GATAD2B: variants seen among roughly 807,000 people sequenced by gnomAD.
GATAD2B encodes GATA zinc finger domain containing 2B.
Under a neutral mutation model 64.3 loss-of-function variants are expected in GATAD2B, and 8 were observed. The observed-to-expected ratio is 0.12, with a 90% CI of 0.07 to 0.22. The LOEUF is 0.22. Among genes scored for constraint, GATAD2B ranks in the 10% least tolerant of loss-of-function variants. The pLI, the probability that GATAD2B is intolerant of heterozygous loss-of-function variation, is 1.00. For synonymous variants in GATAD2B, 281 were observed against 271.3 expected, an observed-to-expected ratio of 1.04 and a Z score of -0.35; for missense variants, 453 against 752.0, an observed-to-expected ratio of 0.60 and a Z score of 4.65.
intron 1 of GATAD2B, among the ~76,000 whole-genome samples, chr1:153,859,902 CTTTTCTTTTTTT>C (rs1676218640): frequency 1.3e-5 from 1 of 78,754 alleles, no homozygotes; most frequent in South Asian, 4.3e-4. Context: ...ATTTTCTTTT[CTTTTCTTTTTTT>C]TTTTTTTTTT....
At chr1:153,882,235 T>C (rs1470557414) in intron 1 of GATAD2B, among the ~76,000 whole-genome samples, 2 of 152,076 alleles carry the variant, frequency 1.3e-5, no homozygotes, top group Non-Finnish European at 2.9e-5. Flanking sequence ...CAAATCATGA[T>C]GCTTTAACTG....
At chr1:153,866,379 C>CT (rs1174567467) in intron 1 of GATAD2B, among the ~76,000 whole-genome samples, 1 of 152,058 alleles carries the variant, frequency 6.6e-6, no homozygotes, top group Non-Finnish European at 1.5e-5. Flanking sequence ...CTCAACCAAG[C>CT]TTCTGAGATT....
At chr1:153,880,672 A>C (rs540295561) in intron 1 of GATAD2B, among the ~76,000 whole-genome samples, 4 of 151,542 alleles carry the variant, frequency 2.6e-5, no homozygotes, top group African/African-American at 9.7e-5. Context: ...AGGAAGACCA[A>C]ATTTCAATAA....
At position 153,918,065 on chromosome 1, in the gene GATAD2B, T is replaced by C. The variant is rs181151216; in HGVS notation, c.-2+4668A>G. Among the ~76,000 whole-genome samples, 8 of 152,230 alleles carry C rather than the reference T, an allele frequency of 5.3e-5. No homozygotes were observed. In the East Asian group the frequency reaches 9.6e-4, roughly 18 times the overall value. ...TTAGGAACCTGCCAAGGTTCTAAGA[T>C]AGAGTGTGACTGATCAGCATTCAAG... On this transcript the variant is annotated intron_variant, in intron 1 of 10. Transcript: ENST00000368655.
Position 153,805,596 on chromosome 1 carries a change from A to C in GATAD2B, c.*4581T>G, listed in dbSNP as rs1674087229. 6.6e-6 allele frequency: 1 copy of C among 152,200 alleles called. No homozygotes were observed. The highest frequency in any genetic ancestry group is 1.5e-5 in the Non-Finnish European group (1 of 68,032). The allele number at this position is 152,200 out of a possible 1,614,324, so 9.4% of individuals were successfully genotyped here. A position where few individuals can be genotyped will look rare whatever the true frequency, so the allele number is the denominator to read the frequency against. Reference sequence around the variant, plus strand: ...GCATTGTCATACACATAACCACTTCAACGCGAGTCACTTTCAGTTCCTCCC... The same window carrying C: ...GCATTGTCATACACATAACCACTTCCACGCGAGTCACTTTCAGTTCCTCCC... On this transcript the variant is annotated 3_prime_UTR_variant, in exon 11 of 11. Transcript: ENST00000368655.
intron 1 of GATAD2B, among the ~76,000 whole-genome samples, chr1:153,883,947 C>A (rs1677084219): frequency 6.6e-6 from 1 of 152,052 alleles, no homozygotes; most frequent in Non-Finnish European, 1.5e-5. Flanking sequence ...TCAGCTAAAT[C>A]ATACTCACCC....
At chr1:153,822,280 T>C (rs1674708999) in intron 2 of GATAD2B, among the ~76,000 whole-genome samples, 1 of 152,214 alleles carries the variant, frequency 6.6e-6, no homozygotes, top group African/African-American at 2.4e-5. Context: ...TGGCTGGATA[T>C]ATACATTACA....
intron 3 of GATAD2B, 87 bp downstream of exon 3, chr1:153,819,519 A>G (rs995771833): frequency 2.1e-6 from 2 of 962,076 alleles, no homozygotes; most frequent in Non-Finnish European, 3.1e-6. Flanking sequence ...AAGAGTAAAT[A>G]GTCAAAAAAC....
intron 10 of GATAD2B, 160 bp downstream of exon 10, chr1:153,811,571 G>A: frequency 1.4e-6 from 1 of 701,120 alleles, no homozygotes; most frequent in South Asian, 1.6e-5. Flanking sequence ...CACTTAATAT[G>A]AATTTAGCAA....
At chr1:153,903,667 T>C (rs373302787) in intron 1 of GATAD2B, among the ~76,000 whole-genome samples, 7 of 152,178 alleles carry the variant, frequency 4.6e-5, no homozygotes, top group Admixed American at 2.0e-4. Flanking sequence ...CTTTACCATA[T>C]GCCTAAATAT....
rs1015336058 is a variant in GATAD2B, at chr1:153,922,771, T to G, written c.-40A>C. ...TGTAACTCCCGGCTAGCTCGCCTCC[T>G]CAGGCGGCGGCGGAGGCGTCGAAAA... On this transcript the variant is annotated 5_prime_UTR_variant, in exon 1 of 11. Transcript: ENST00000368655. The G allele has an allele frequency of 6.7e-6, 1 of 149,152 alleles. No individual in the cohort carries two copies. The highest frequency in any genetic ancestry group is 1.5e-5 in the Non-Finnish European group (1 of 68,108). 9.2% of individuals were successfully genotyped at this position (149,152 alleles called of 1,614,324 possible).
intron 1 of GATAD2B, among the ~76,000 whole-genome samples, chr1:153,857,777 T>G (rs1447000369): frequency 1.3e-5 from 2 of 152,286 alleles, no homozygotes; most frequent in Admixed American, 1.3e-4. Flanking sequence ...GAGACATCAA[T>G]CAGCCAGAGG....
intron 7 of GATAD2B, among the ~76,000 whole-genome samples, chr1:153,814,338 G>GT (rs1358894375): frequency 4.6e-5 from 7 of 152,288 alleles, no homozygotes; most frequent in African/African-American, 1.7e-4. Context: ...ATACTCTATA[G>GT]TATGGTTTAG....
rs532232221 is a variant in GATAD2B at position 153,916,452 on chromosome 1, A to T, written c.-2+6281T>A. Among the ~76,000 whole-genome samples, 300 of 152,314 alleles carry T rather than the reference A, an allele frequency of 2.0e-3. 1 individual carries two copies. Among genetic ancestry groups the T allele is most frequent in the Non-Finnish European group, 3.6e-3 (245 of 68,028 alleles). ...AGACAGAAGTGACAATGATGCTCAC[A>T]TTTCTGGTTTAGATGACTCAATGAA... On this transcript the variant is annotated intron_variant, in intron 1 of 10. Coordinates refer to ENST00000368655, the MANE Select transcript of GATAD2B (RefSeq NM_020699.4).
At chr1:153,830,630 T>C (rs1170668953) in intron 1 of GATAD2B, among the ~76,000 whole-genome samples, 111 of 149,496 alleles carry the variant, frequency 7.4e-4, no homozygotes, top group African/African-American at 2.4e-3. Flanking sequence ...CGCCCGCCAC[T>C]ACGCCCGGCT....
intron 10 of GATAD2B, among the ~76,000 whole-genome samples, chr1:153,810,794 C>T (rs1674267185): frequency 6.6e-6 from 1 of 150,626 alleles, no homozygotes; most frequent in African/African-American, 2.4e-5. Flanking sequence ...GACAGAATTT[C>T]GCTCGTTGCC....
At chr1:153,819,065 G>A (rs1391044297) in intron 3 of GATAD2B, 143 bp from the exon 4 acceptor site, 2 of 798,428 alleles carry the variant, frequency 2.5e-6, no homozygotes, top group Admixed American at 5.5e-5. Flanking sequence ...TTGTATCACT[G>A]GAGTCTGGCA....
rs777622880 is a variant in GATAD2B, at chr1:153,817,468, T to C, written c.804A>G (p.Pro268=). Residue 268 remains proline (P), a synonymous_variant, in exon 6 of 11, where the codon CCA becomes CCG. Transcript: ENST00000368655. ...HMLMSQRVIA[P]NPAQLQGQRG... The stretch of plus-strand genomic sequence containing the variant: ...GCTGACCCTGTAGCTGGGCTGGGTT[T>C]GGTGCAATAACACGTTGAGACATCA... 6.2e-7 allele frequency: 1 copy of C among 1,613,662 alleles called. No homozygotes were observed. The highest frequency in any genetic ancestry group is 8.5e-7 in the Non-Finnish European group (1 of 1,179,852).
At chr1:153,892,163 C>CAAAAAAAAA (rs900308080) in intron 1 of GATAD2B, among the ~76,000 whole-genome samples, 5 of 50,306 alleles carry the variant, frequency 9.9e-5, no homozygotes, top group African/African-American at 1.6e-4. Context: ...GACTCCGTCT[C>CAAAAAAAAA]AAAAAAAAAA....
Sources: allele counts gnomAD v4.1 joint callset (sites outside exome capture counted in the v4.1 genomes callset), GRCh38; gene constraint gnomAD v4.1.1; transcripts MANE v1.5; gene names NCBI Gene and HGNC (gene_info 2026-07-23, HGNC 2026-07-21).